PCDHA6: variants seen among roughly 807,000 people sequenced by gnomAD.
PCDHA6 encodes the protein protocadherin alpha 6, also known as protocadherin alpha-6.
A neutral mutation model predicts 60.3 loss-of-function variants in PCDHA6; 55 were observed. That is an observed-to-expected ratio of 0.91 (90% CI 0.73 to 1.14). PCDHA6 has a LOEUF of 1.14. Ranked by LOEUF, PCDHA6 falls within the 50% of genes most tolerant of loss-of-function variation. The pLI is 0.00. For missense variants in PCDHA6, 1,327 were observed against 1,256.5 expected (o/e 1.06, Z -0.85); for synonymous variants, 652 against 557.9 (o/e 1.17, Z -2.38).
chr5:140,930,567 C>T (rs1192022171), intron 1 of PCDHA6: 11 of 152,480 alleles, frequency 7.2e-5, no homozygotes, highest in African/African-American at 2.2e-4. Context: ...TGAAGCAATT[C>T]TACGGTATTA....
chr5:140,946,219 G>T (rs2093905754), intron 1 of PCDHA6, among the ~76,000 whole-genome samples: 1 of 151,856 alleles, frequency 6.6e-6, no homozygotes, highest in African/African-American at 2.4e-5. Context: ...TGACCAACAG[G>T]TATACTAAAA....
chr5:140,964,968 G>A lies in PCDHA6; in HGVS notation c.2395-13981G>A, dbSNP rs566051914. On this transcript the variant is annotated intron_variant, in intron 1 of 3. Coordinates refer to ENST00000529310, the MANE Select transcript of PCDHA6 (RefSeq NM_018909.4). ...GAGTGTGCTTGGTTGGTGGAACGAA[G>A]GGATGTGCTAGTTCAGGCCTTTGAA... 3.9e-5 allele frequency among the ~76,000 whole-genome samples: 6 copies of A among 152,326 alleles called. No individual in the cohort carries two copies. In the South Asian group the frequency reaches 1.0e-3, roughly 26 times the overall value.
At chr5:140,875,560 C>T (rs1554167756) in intron 1 of PCDHA6, 2 of 1,614,124 alleles carry the variant, frequency 1.2e-6, no homozygotes, top group Admixed American at 3.3e-5. Flanking sequence ...GGGGAGCGGC[C>T]AGCTCCACTA....
At chr5:140,958,400 A>G (rs1236102640) in intron 1 of PCDHA6, among the ~76,000 whole-genome samples, 1 of 152,196 alleles carries the variant, frequency 6.6e-6, no homozygotes, top group African/African-American at 2.4e-5. Context: ...ATCAAACATT[A>G]TCACTGATGC....
chr5:140,929,532 G>T, intron 1 of PCDHA6: 1 of 602,214 alleles, frequency 1.7e-6, no homozygotes, highest in Non-Finnish European at 2.5e-6. Flanking sequence ...TTATTTTTGA[G>T]AAACAAGGGC....
intron 1 of PCDHA6, chr5:140,843,766 G>A: frequency 6.7e-7 from 1 of 1,487,952 alleles, no homozygotes; most frequent in Non-Finnish European, 9.2e-7. Flanking sequence ...GGAAATTGTA[G>A]TTACTTTAAA....
rs2150166989 is a variant in PCDHA6, at chr5:140,829,393, G to T, written c.1302G>T (p.Ser434=). The change falls in exon 1 of 4, where the codon TCG becomes TCT. Residue 434 remains serine (S), a synonymous_variant. Transcript: ENST00000529310. Reference sequence around the variant, plus strand: ...CCGCGCGGGACGGGGGCTCGCCTTCGCTGTGGGCCACCGCCAGCTTGTCTG... The same window carrying T: ...CCGCGCGGGACGGGGGCTCGCCTTCTCTGTGGGCCACCGCCAGCTTGTCTG... ...VVTARDGGSP[S]LWATASLSVE... is the part of the protein sequence containing the mutation. 3.1e-6 allele frequency: 5 copies of T among 1,614,050 alleles called. No individual in the cohort carries two copies. The highest frequency in any genetic ancestry group is 3.3e-5 in the Admixed American group (2 of 60,014).
chr5:140,908,844 C>G (rs533219921), intron 1 of PCDHA6, among the ~76,000 whole-genome samples: 1 of 152,156 alleles, frequency 6.6e-6, no homozygotes, highest in Non-Finnish European at 1.5e-5. Flanking sequence ...GCTGGAGTAA[C>G]ATACCCAAAT....
chr5:140,969,061 T>C (rs782313439), intron 1 of PCDHA6: 25 of 1,614,070 alleles, frequency 1.5e-5, no homozygotes, highest in Non-Finnish European at 4.2e-6. Flanking sequence ...ACAATATTGA[T>C]GCCAGGATAC....
chr5:140,870,200 C>G lies in PCDHA6; in HGVS notation c.2394+39715C>G, dbSNP rs377755323. Reference sequence around the variant, plus strand: ...GTACGAGAGGACGCTCAGCCCAGCACGGTCATTGCCCTGATCAGCGTGTCT... The same window carrying G: ...GTACGAGAGGACGCTCAGCCCAGCAGGGTCATTGCCCTGATCAGCGTGTCT... On this transcript the variant is annotated intron_variant, in intron 1 of 3. Transcript: ENST00000529310. 7 of 1,614,056 alleles carry G rather than the reference C, an allele frequency of 4.3e-6. No homozygotes were observed. The African/African-American group carries it at 9.3e-5, about 22-fold the overall frequency.
At chr5:140,857,380 G>A (rs138042594) in intron 1 of PCDHA6, 8 of 1,598,488 alleles carry the variant, frequency 5.0e-6, no homozygotes, top group Middle Eastern at 1.7e-4. Flanking sequence ...CTGTGGAGGT[G>A]GCCGACGTGA....
At chr5:140,836,949 T>C in intron 1 of PCDHA6, 1 of 431,294 alleles carries the variant, frequency 2.3e-6, no homozygotes, top group Non-Finnish European at 4.0e-6. Context: ...TCAAAATCTA[T>C]GGTTTATGTT....
At chr5:140,947,767 C>A (rs1585277827) in intron 1 of PCDHA6, among the ~76,000 whole-genome samples, 1 of 151,486 alleles carries the variant, frequency 6.6e-6, no homozygotes, top group East Asian at 1.9e-4. Context: ...TTAAAAAATT[C>A]TATTGTAAAT....
chr5:141,000,447 G>C (rs2097938373), intron 3 of PCDHA6, among the ~76,000 whole-genome samples: 1 of 41,758 alleles, frequency 2.4e-5, no homozygotes, highest in Admixed American at 2.7e-4. Flanking sequence ...TTTTTTTTGA[G>C]ACAGAGTTTT....
intron 1 of PCDHA6, among the ~76,000 whole-genome samples, chr5:140,942,396 A>G (rs1172739397): frequency 6.6e-6 from 1 of 151,922 alleles, no homozygotes; most frequent in Admixed American, 6.6e-5. Flanking sequence ...TGGGCGACAG[A>G]TGAGACTCTG....
intron 1 of PCDHA6, among the ~76,000 whole-genome samples, chr5:140,962,475 T>C (rs772721001): frequency 2.0e-5 from 3 of 152,232 alleles, no homozygotes; most frequent in Non-Finnish European, 4.4e-5. Context: ...TCTCTTTGTT[T>C]ATTCTAAGCA....
At chr5:140,963,120 A>G (rs1210822785) in intron 1 of PCDHA6, among the ~76,000 whole-genome samples, 1 of 152,174 alleles carries the variant, frequency 6.6e-6, no homozygotes, top group African/African-American at 2.4e-5. Context: ...ATAATTAAAG[A>G]GATAATATTA....
intron 1 of PCDHA6, chr5:140,877,904 A>G (rs1421896402): frequency 7.0e-7 from 1 of 1,436,098 alleles, no homozygotes; most frequent in East Asian, 2.5e-5. Context: ...GGTTATAACT[A>G]CATTCTCTCA....
At chr5:140,838,971 A>C (rs139822450) in intron 1 of PCDHA6, among the ~76,000 whole-genome samples, 1 of 152,152 alleles carries the variant, frequency 6.6e-6, no homozygotes, top group East Asian at 1.9e-4. Context: ...CAGAACTGAC[A>C]ATTTTCACTG....
Sources: allele counts gnomAD v4.1 joint callset (sites outside exome capture counted in the v4.1 genomes callset), GRCh38; gene constraint gnomAD v4.1.1; transcripts MANE v1.5; gene names NCBI Gene and HGNC (gene_info 2026-07-23, HGNC 2026-07-21).